The following ADCY1 variants were observed in gnomAD, a reference collection of about 807,000 sequenced individuals.
ADCY1 encodes adenylate cyclase type 1.
A neutral mutation model predicts 105.4 loss-of-function variants in ADCY1; 28 were observed. The ratio of observed to expected loss-of-function variants is 0.27; its 90% CI spans 0.20 to 0.36. The LOEUF (loss-of-function observed/expected upper bound fraction) is 0.36, where lower values mean the gene tolerates loss of function less well. Among genes scored for constraint, ADCY1 ranks in the 10% least tolerant of loss-of-function variants. The pLI, the probability that ADCY1 is intolerant of heterozygous loss-of-function variation, is 1.00. For missense variants in ADCY1, 977 were observed against 1,434.2 expected (o/e 0.68, Z 5.15); for synonymous variants, 655 against 623.8 (o/e 1.05, Z -0.75).
Position 45,710,276 on chromosome 7 carries a change from G to C in ADCY1, c.2933-252G>C, listed in dbSNP as rs925770401. ...GGACTCGTTTTGAACAGCCAGTGCT[G>C]TTCCCCAGTGCAGTGGACAGTGTCG... On this transcript the variant is annotated intron_variant, in intron 18 of 19. Coordinates refer to ENST00000297323, the MANE Select transcript of ADCY1 (RefSeq NM_021116.4). This position sits in a 1 kb window ranked among gnomAD's most constrained non-coding sequence, Gnocchi z 4.7. Among the ~76,000 whole-genome samples, 1 of 152,160 alleles carries C rather than the reference G, an allele frequency of 6.6e-6. No homozygotes were observed. Among genetic ancestry groups the C allele is most frequent in the Non-Finnish European group, 1.5e-5 (1 of 68,024 alleles).
chr7:45,577,889 T>A (rs181405465), intron 1 of ADCY1, among the ~76,000 whole-genome samples: 56 of 152,346 alleles, frequency 3.7e-4, no homozygotes, highest in African/African-American at 1.2e-3. Context: ...TTATCAAGGA[T>A]AGCCCTAAGG....
chr7:45,673,964 CATATATATATATATATATATATATATAT>C (rs58025464), intron 8 of ADCY1, among the ~76,000 whole-genome samples: 103 of 115,138 alleles, frequency 8.9e-4, no homozygotes, highest in African/African-American at 4.8e-4. Context: ...TTCAGATGAG[CATATATATATATATATATATATATATAT>C]ATATATATAT....
intron 1 of ADCY1, among the ~76,000 whole-genome samples, chr7:45,584,322 C>T (rs1792654243): frequency 6.6e-6 from 1 of 152,148 alleles, no homozygotes; most frequent in African/African-American, 2.4e-5. Context: ...TCTGGTGGCC[C>T]CCACTTCCTG....
chr7:45,617,076 G>A (rs1793758208), intron 3 of ADCY1, among the ~76,000 whole-genome samples: 1 of 152,208 alleles, frequency 6.6e-6, no homozygotes, highest in African/African-American at 2.4e-5. Context: ...CACCGATTCT[G>A]CAACCTATGT....
chr7:45,592,342 C>T (rs1040311684), intron 1 of ADCY1, among the ~76,000 whole-genome samples: 6 of 152,250 alleles, frequency 3.9e-5, no homozygotes, highest in Middle Eastern at 3.4e-3. Flanking sequence ...AGAGTCTTCC[C>T]GCTGGCTGTG....
At chr7:45,622,186 C>T (rs778293467) in intron 3 of ADCY1, among the ~76,000 whole-genome samples, 16 of 152,158 alleles carry the variant, frequency 1.1e-4, no homozygotes, top group Non-Finnish European at 2.2e-4. Flanking sequence ...ACACTCAGGG[C>T]CTGGGAGTTT....
chr7:45,658,943 G>A (rs1255195341), intron 6 of ADCY1, among the ~76,000 whole-genome samples: 1 of 152,216 alleles, frequency 6.6e-6, no homozygotes, highest in African/African-American at 2.4e-5. Flanking sequence ...ATCCCAGCAG[G>A]GACTGGGCCC....
chr7:45,646,444 G>A (rs1562704848), intron 4 of ADCY1, among the ~76,000 whole-genome samples: 2 of 152,182 alleles, frequency 1.3e-5, no homozygotes, highest in African/African-American at 2.4e-5. Flanking sequence ...GACAGGACAC[G>A]GTCCTTTCTG....
chr7:45,715,838 GC>G lies in ADCY1; in HGVS notation c.*1845del, dbSNP rs1785348435. On this transcript the variant is annotated 3_prime_UTR_variant, in exon 20 of 20. Coordinates refer to ENST00000297323, the MANE Select transcript of ADCY1 (RefSeq NM_021116.4). ...AGGCTGCATGTGGGGGCCCCTGTCT[GC>G]CTGTCCTTAGGGTGTGGATTAGGCT... The G allele has an allele frequency of 1.3e-5, 2 of 152,754 alleles. No homozygotes were observed. The highest frequency in any genetic ancestry group is 4.1e-4 in the South Asian group (2 of 4,840). The allele number at this position is 152,754 out of a possible 1,614,324, so 9.5% of individuals were successfully genotyped here.
intron 14 of ADCY1, among the ~76,000 whole-genome samples, chr7:45,702,629 G>A (rs1785019925): frequency 6.6e-6 from 1 of 152,246 alleles, no homozygotes; most frequent in South Asian, 2.1e-4. Context: ...CCTGCCAAGA[G>A]CACTTCTTGA....
At chr7:45,694,400 T>G (rs1314756202) in intron 14 of ADCY1, among the ~76,000 whole-genome samples, 1 of 152,116 alleles carries the variant, frequency 6.6e-6, no homozygotes, top group African/African-American at 2.4e-5. Context: ...AAACAGGAAA[T>G]TAGAAAGTAA....
intron 3 of ADCY1, among the ~76,000 whole-genome samples, chr7:45,613,304 A>G (rs1232126408): frequency 6.6e-6 from 1 of 152,188 alleles, no homozygotes; most frequent in Non-Finnish European, 1.5e-5. Context: ...AAAATTCACT[A>G]GAAGGATTCA....
intron 1 of ADCY1, among the ~76,000 whole-genome samples, chr7:45,578,965 C>T (rs1416558038): frequency 6.6e-6 from 1 of 152,198 alleles, no homozygotes; most frequent in African/African-American, 2.4e-5. Flanking sequence ...AAATGAAATA[C>T]ATTTCTGTTC....
At chr7:45,618,048 C>A (rs552057331) in intron 3 of ADCY1, among the ~76,000 whole-genome samples, 1 of 152,224 alleles carries the variant, frequency 6.6e-6, no homozygotes, top group East Asian at 1.9e-4. Flanking sequence ...ACCAATAGAA[C>A]AGAATAGAGA....
chr7:45,597,542 C>T (rs1474685624), intron 2 of ADCY1, among the ~76,000 whole-genome samples: 1 of 152,190 alleles, frequency 6.6e-6, no homozygotes, highest in Non-Finnish European at 1.5e-5. Context: ...TGCAGCAACC[C>T]ATGAAGAGGG....
At chr7:45,599,574 C>T (rs928985301) in intron 2 of ADCY1, among the ~76,000 whole-genome samples, 3 of 150,970 alleles carry the variant, frequency 2.0e-5, no homozygotes, top group African/African-American at 7.3e-5. Flanking sequence ...GGAGGCTCTG[C>T]GGCATGTCCT....
chr7:45,664,290 T>C, intron 8 of ADCY1: 1 of 1,536,088 alleles, frequency 6.5e-7, no homozygotes, highest in African/African-American at 1.4e-5. Context: ...CTCCTGTAGG[T>C]TCAGATCCAT....
At chr7:45,649,885 A>C (rs1275191904) in intron 5 of ADCY1, among the ~76,000 whole-genome samples, 1 of 152,166 alleles carries the variant, frequency 6.6e-6, no homozygotes, top group African/African-American at 2.4e-5. Context: ...GCTGGTCTGG[A>C]GTGTGATCTA....
At chr7:45,578,438 T>C (rs908049697) in intron 1 of ADCY1, among the ~76,000 whole-genome samples, 1 of 152,096 alleles carries the variant, frequency 6.6e-6, no homozygotes, top group Non-Finnish European at 1.5e-5. Context: ...CTGTCAGAAC[T>C]GAAAGCATCC....
Sources: allele counts gnomAD v4.1 joint callset (sites outside exome capture counted in the v4.1 genomes callset), GRCh38; gene constraint gnomAD v4.1.1; non-coding constraint Gnocchi (gnomAD v3.1); transcripts MANE v1.5; gene names NCBI Gene and HGNC (gene_info 2026-07-23, HGNC 2026-07-21).